Variants in CC2D2B observed in about 807,000 individuals in gnomAD.
The protein encoded by CC2D2B is protein CC2D2B.
CC2D2B carries 128 observed loss-of-function variants against 161.2 expected under a neutral mutation model. The observed-to-expected ratio is 0.79, with a 90% CI of 0.69 to 0.92. The LOEUF is 0.92. CC2D2B is among the 40% of genes least tolerant of loss of function. CC2D2B has a pLI of 0.00. For synonymous variants in CC2D2B, 391 were observed against 449.8 expected (o/e 0.87, Z 1.65); for missense variants, 1,173 against 1,375.1 (o/e 0.85, Z 2.32).
chr10:95,966,152 G>A (rs2076933425), intron 13 of CC2D2B, 38 bp from the exon 14 acceptor site: 1 of 825,382 alleles, frequency 1.2e-6, no homozygotes, highest in East Asian at 3.4e-5. Context: ...ACACAGGGAT[G>A]TACATGGCAA....
intron 15 of CC2D2B, 46 bp from the exon 16 acceptor site, chr10:95,972,020 T>C: frequency 3.4e-5 from 37 of 1,101,866 alleles, no homozygotes; most frequent in Non-Finnish European, 4.3e-5. Context: ...TTCCTTTTTC[T>C]GTGTTGTATT....
In CC2D2B at chr10:96,007,085, G is replaced by A. The variant is rs772207101; in HGVS notation, c.2947-2740G>A. ...GCCAGTTTGTTATACAGGTAAACTT[G>A]TGTCACAGGGGTTTGTTGTACAGAT... is the stretch of plus-strand genomic sequence containing the variant. On this transcript the variant is annotated intron_variant, in intron 25 of 34. Transcript: ENST00000646931. Among the ~76,000 whole-genome samples the A allele has an allele frequency of 4.6e-5, 7 of 152,018 alleles. 1 individual carries two copies. The highest frequency in any genetic ancestry group is 1.0e-4 in the Non-Finnish European group (7 of 67,974).
At chr10:95,916,361 T>G (rs2098516357) in intron 2 of CC2D2B, among the ~76,000 whole-genome samples, 1 of 152,128 alleles carries the variant, frequency 6.6e-6, no homozygotes, top group African/African-American at 2.4e-5. Flanking sequence ...ACTTTTTGTT[T>G]CATTGGTGTT....
In CC2D2B at chr10:96,011,356, T is replaced by C. The variant is rs568424133; in HGVS notation, c.3046-829T>C. On this transcript the variant is annotated intron_variant, in intron 26 of 34. Transcript: ENST00000646931. ...AGTGTGGGCTTCAAAGGTGGACACA[T>C]CTGGGTTGTAATCCTGGCTCCACTG... 5.3e-5 allele frequency among the ~76,000 whole-genome samples: 8 copies of C among 152,206 alleles called. No homozygotes were observed. The South Asian group carries it at 1.7e-3, about 32-fold the overall frequency.
chr10:96,016,436 G>T (rs748856529), intron 30 of CC2D2B, 122 bp downstream of exon 30: 1 of 678,164 alleles, frequency 1.5e-6, no homozygotes, highest in Non-Finnish European at 2.6e-6. Context: ...AATTTCATGG[G>T]CAAGCAATGA....
chr10:96,003,628 G>GTGTGTGT (rs2078620460), intron 24 of CC2D2B, among the ~76,000 whole-genome samples: 1 of 145,746 alleles, frequency 6.9e-6, no homozygotes, highest in Non-Finnish European at 1.5e-5. Context: ...GTGTGTGTGT[G>GTGTGTGT]TATTTTTAGT....
At chr10:96,026,521 G>A (rs557161626) in intron 33 of CC2D2B, among the ~76,000 whole-genome samples, 3 of 152,170 alleles carry the variant, frequency 2.0e-5, no homozygotes, top group Non-Finnish European at 4.4e-5. Flanking sequence ...TTTTCATAAG[G>A]GCAGTTTCTT....
In CC2D2B at chr10:96,017,257, T is replaced by C. The variant is rs573025953; in HGVS notation, c.3630+943T>C. On this transcript the variant is annotated intron_variant, in intron 30 of 34. Transcript: ENST00000646931. ...TGCTAAGTGTCAGTATTTACAGTCT[T>C]GCCTTATGGTTTTTGTCATGATGAT... Among the ~76,000 whole-genome samples, 144 of 152,346 alleles carry C rather than the reference T, an allele frequency of 9.5e-4. 1 individual carries two copies. Among genetic ancestry groups the C allele is most frequent in the Non-Finnish European group, 1.8e-3 (124 of 68,024 alleles).
intron 20 of CC2D2B, among the ~76,000 whole-genome samples, chr10:95,989,698 A>G (rs2077874567): frequency 1.3e-5 from 2 of 152,184 alleles, no homozygotes; most frequent in Non-Finnish European, 2.9e-5. Context: ...TCATACAGGA[A>G]TCCCGGAAAG....
At chr10:96,026,862 C>T (rs532770041) in intron 33 of CC2D2B, among the ~76,000 whole-genome samples, 1 of 152,178 alleles carries the variant, frequency 6.6e-6, no homozygotes, top group Admixed American at 6.5e-5. Context: ...GTGGCTTACA[C>T]CTGTAATCCC....
At chr10:96,025,261 A>G (rs946822536) in intron 33 of CC2D2B, among the ~76,000 whole-genome samples, 5 of 136,642 alleles carry the variant, frequency 3.7e-5, no homozygotes, top group African/African-American at 1.4e-4. Context: ...TCAGTGACTA[A>G]GAGGGGGAGG....
At chr10:96,027,123 CA>C (rs372010486) in intron 33 of CC2D2B, 88 bp from the exon 34 acceptor site, 111,141 of 739,938 alleles carry the variant, frequency 0.15, 35 homozygotes, top group South Asian at 0.16. Flanking sequence ...GACTTCGTCT[CA>C]AAAAAAAAAA....
At chr10:96,000,330 TTATA>T in intron 24 of CC2D2B, 1 of 257,424 alleles carries the variant, frequency 3.9e-6, no homozygotes, top group Non-Finnish European at 5.7e-6. Context: ...CTTTATTTAT[TTATA>T]ATAAATAAAT....
In CC2D2B at chr10:95,934,903, G is replaced by T. The variant is rs191252651; in HGVS notation, c.337-3088G>T. Among the ~76,000 whole-genome samples the T allele has an allele frequency of 1.8e-3, 266 of 150,810 alleles. 4 individuals carry two copies. Among genetic ancestry groups the T allele is most frequent in the Admixed American group, 0.016 (244 of 14,976 alleles). On this transcript the variant is annotated intron_variant, in intron 6 of 34. Coordinates refer to ENST00000646931, the MANE Select transcript of CC2D2B (RefSeq NM_001349008.3). ...TGTTTTGTTTTGAGATGGAGTCTTG[G>T]TCTGTCACCCAGGCTGGAGTGCAGT...
intron 1 of CC2D2B, among the ~76,000 whole-genome samples, chr10:95,910,517 C>T (rs2098504450): frequency 2.0e-5 from 3 of 152,144 alleles, no homozygotes; most frequent in Admixed American, 2.0e-4. Flanking sequence ...TGTGAACTAA[C>T]TGAGCAAGAA....
intron 34 of CC2D2B, among the ~76,000 whole-genome samples, chr10:96,028,930 A>G (rs1252632244): frequency 6.6e-6 from 1 of 152,060 alleles, no homozygotes; most frequent in Non-Finnish European, 1.5e-5. Flanking sequence ...AAGCAAAACA[A>G]TCAAACTCAT....
At chr10:95,910,549 C>G (rs988871415) in intron 1 of CC2D2B, among the ~76,000 whole-genome samples, 6 of 152,256 alleles carry the variant, frequency 3.9e-5, no homozygotes, top group Middle Eastern at 3.4e-3. Context: ...GGGGATGGTG[C>G]TAAGCCAACC....
At chr10:95,931,320 T>C (rs1156872639) in intron 6 of CC2D2B, among the ~76,000 whole-genome samples, 1 of 152,184 alleles carries the variant, frequency 6.6e-6, no homozygotes, top group East Asian at 1.9e-4. Flanking sequence ...TGTTAATCTT[T>C]TCAAAAAACC....
Position 96,032,599 on chromosome 10 carries a change from G to T in CC2D2B, c.*591G>T, listed in dbSNP as rs541368360. ...AATTTCAGATGGAAGCTGCTCGAGT[G>T]GAAAACTAAGGTCATTGCCTCTCAT... On this transcript the variant is annotated 3_prime_UTR_variant, in exon 35 of 35. Transcript: ENST00000646931. 3 of 322,046 alleles carry T rather than the reference G, an allele frequency of 9.3e-6. No individual in the cohort carries two copies. The highest frequency in any genetic ancestry group is 5.6e-5 in the South Asian group (2 of 35,668). 19.9% of individuals were successfully genotyped at this position (322,046 alleles called of 1,614,324 possible). A position where few individuals can be genotyped will look rare whatever the true frequency, so the allele number is the denominator to read the frequency against.
Sources: gnomAD v4.1 joint callset for allele counts (sites outside exome capture counted in the v4.1 genomes callset) on GRCh38, gnomAD v4.1.1 for gene constraint, MANE v1.5 for transcripts, NCBI Gene and HGNC (gene_info 2026-07-23, HGNC 2026-07-21) for gene names.